SEMA4D: variants seen among roughly 807,000 people sequenced by gnomAD.
SEMA4D encodes semaphorin-4D.
SEMA4D carries 22 observed loss-of-function variants against 74.8 expected under a neutral mutation model. That is an observed-to-expected ratio of 0.29 (90% CI 0.21 to 0.42). SEMA4D has a LOEUF of 0.42. Ranked by LOEUF, SEMA4D falls within the 10% of genes least tolerant of loss-of-function variation. SEMA4D has a pLI of 1.00. For missense variants in SEMA4D, 937 were observed against 1,118.4 expected, an observed-to-expected ratio of 0.84 and a Z score of 2.31; for synonymous variants, 445 against 463.7, an observed-to-expected ratio of 0.96 and a Z score of 0.52.
intron 13 of SEMA4D, chr9:89,385,291 G>T: frequency 1.0e-6 from 1 of 985,420 alleles, no homozygotes; most frequent in Non-Finnish European, 1.2e-6. Flanking sequence ...CACACCAGGG[G>T]CCCAATCTTC....
chr9:89,408,536 C>A (rs1025581987), intron 2 of SEMA4D, among the ~76,000 whole-genome samples: 2 of 152,236 alleles, frequency 1.3e-5, no homozygotes, highest in Admixed American at 1.3e-4. Flanking sequence ...TCTCCCGTTC[C>A]ATGTGACAAA....
Position 89,387,540 on chromosome 9 carries a change from C to T in SEMA4D, c.1176G>A (p.Gln392=). 2 of 1,614,250 alleles carry T rather than the reference C, an allele frequency of 1.2e-6. No homozygotes were observed. Among genetic ancestry groups the T allele is most frequent in the Non-Finnish European group, 1.7e-6 (2 of 1,180,048 alleles). ...SSLNLPDKTL[Q]FVKDHPLMDD... Reference sequence around the variant, plus strand: ...CCATCAAAGGGTGGTCTTTAACGAACTGCAGCGTCTTGTCTGGCAAATTCA... The same window carrying T: ...CCATCAAAGGGTGGTCTTTAACGAATTGCAGCGTCTTGTCTGGCAAATTCA... The change falls in exon 12 of 16, where the codon CAG becomes CAA. Residue 392 remains glutamine (Q), a synonymous_variant. Transcript: ENST00000422704.
In SEMA4D at chr9:89,378,678, G is replaced by C; in HGVS notation, c.*26C>G. The C allele has an allele frequency of 6.3e-7, 1 of 1,576,374 alleles. No individual in the cohort carries two copies. The highest frequency in any genetic ancestry group is 1.1e-5 in the South Asian group (1 of 90,004). The stretch of plus-strand genomic sequence containing the variant: ...CACGCCTGGACACGTCGCAGCCGAG[G>C]CACCAGCGGGGATGCACAGCCGGCC... On this transcript the variant is annotated 3_prime_UTR_variant, in exon 16 of 16. Coordinates refer to ENST00000422704, the MANE Select transcript of SEMA4D (RefSeq NM_001371194.2).
intron 16 of SEMA4D, chr9:89,368,219 C>T (rs75372837): frequency 0.05 from 7,694 of 152,514 alleles, 258 homozygotes; most frequent in South Asian, 0.098. Flanking sequence ...AAACTCACAT[C>T]CAGGTGGCCT....
chr9:89,463,834 T>TGA (rs1467128551), intron 1 of SEMA4D, among the ~76,000 whole-genome samples: 1 of 151,506 alleles, frequency 6.6e-6, no homozygotes, highest in Non-Finnish European at 1.5e-5. Flanking sequence ...CTTGGGAGGC[T>TGA]GAGGCAGGAG....
chr9:89,416,807 C>T (rs1305593257), intron 2 of SEMA4D, among the ~76,000 whole-genome samples: 1 of 152,222 alleles, frequency 6.6e-6, no homozygotes, highest in Non-Finnish European at 1.5e-5. Flanking sequence ...ATGCTACACC[C>T]AAGTCAGTAG....
At chr9:89,466,502 T>G (rs919830994) in intron 1 of SEMA4D, among the ~76,000 whole-genome samples, 2 of 152,124 alleles carry the variant, frequency 1.3e-5, no homozygotes, top group African/African-American at 4.8e-5. Context: ...GCTCTCCATA[T>G]GTACCGAGGG....
intron 1 of SEMA4D, among the ~76,000 whole-genome samples, chr9:89,460,031 T>C (rs982666586): frequency 1.3e-5 from 2 of 152,198 alleles, no homozygotes; most frequent in African/African-American, 4.8e-5. Context: ...AGGCTCACGA[T>C]GCCCCCACCC....
Position 89,378,729 on chromosome 9 carries a change from G to A in SEMA4D, c.2564C>T (p.Ala855Val), listed in dbSNP as rs1349528599. The A allele has an allele frequency of 3.1e-6, 5 of 1,614,122 alleles. No individual in the cohort carries two copies. Among genetic ancestry groups the A allele is most frequent in the Non-Finnish European group, 4.2e-6 (5 of 1,179,962 alleles). Reference protein sequence around the residue: ...PFDVKCELKFADSDADGD With the variant: ...PFDVKCELKFVDSDADGD ...TCAGTCTCCATCTGCGTCTGAGTCA[G>A]CGAACTTCAGCTCACACTTGACGTC... The change falls in exon 16 of 16, where the codon GCT (alanine) becomes GTT (valine). Residue 855 changes from alanine (A) to valine (V), a missense_variant. Ala to Val is a moderately conservative substitution (Grantham distance 64, BLOSUM62 0). Transcript: ENST00000422704.
intron 1 of SEMA4D, among the ~76,000 whole-genome samples, chr9:89,489,026 A>C (rs1825421171): frequency 6.6e-6 from 1 of 152,268 alleles, no homozygotes; most frequent in African/African-American, 2.4e-5. Flanking sequence ...ATAGCTAATA[A>C]GCACATGAAA....
intron 1 of SEMA4D, among the ~76,000 whole-genome samples, chr9:89,470,107 TC>T (rs1196633748): frequency 2.0e-5 from 3 of 152,220 alleles, no homozygotes; most frequent in Non-Finnish European, 4.4e-5. Flanking sequence ...TTCTATGGAT[TC>T]TATCAACATT....
At chr9:89,494,460 C>T (rs926401298) in intron 1 of SEMA4D, among the ~76,000 whole-genome samples, 2 of 152,196 alleles carry the variant, frequency 1.3e-5, no homozygotes, top group Non-Finnish European at 1.5e-5. Flanking sequence ...GGTGTGTGTC[C>T]TTCCAGATGG....
chr9:89,455,491 C>T lies in SEMA4D; in HGVS notation c.-244+397G>A, dbSNP rs761869288. ...CAACAACCCAATATGAACTCCTAGGCGCACCAGTCCTCAGGGGACAGTCCA... is the reference window on the plus strand; with the variant it reads ...CAACAACCCAATATGAACTCCTAGGTGCACCAGTCCTCAGGGGACAGTCCA... On this transcript the variant is annotated intron_variant, in intron 2 of 15. Coordinates refer to ENST00000422704, the MANE Select transcript of SEMA4D (RefSeq NM_001371194.2). Among the ~76,000 whole-genome samples, 8 of 152,298 alleles carry T rather than the reference C, an allele frequency of 5.3e-5. No individual in the cohort carries two copies. The East Asian group carries it at 7.7e-4, about 15-fold the overall frequency.
intron 1 of SEMA4D, among the ~76,000 whole-genome samples, chr9:89,459,274 C>G (rs933754824): frequency 6.6e-6 from 1 of 152,198 alleles, no homozygotes; most frequent in African/African-American, 2.4e-5. Context: ...ACATGCATTT[C>G]TAATGGGCCC....
intron 2 of SEMA4D, among the ~76,000 whole-genome samples, chr9:89,407,071 CTCA>C (rs1048195393): frequency 6.6e-6 from 1 of 152,016 alleles, no homozygotes; most frequent in Admixed American, 6.5e-5. Context: ...ATGCTCACCT[CTCA>C]TCCTGGCCTC....
At chr9:89,379,658 G>A (rs767249795) in intron 15 of SEMA4D, 29 bp from the exon 16 acceptor site, 58 of 1,577,472 alleles carry the variant, frequency 3.7e-5, no homozygotes, top group Middle Eastern at 1.7e-4. Context: ...CGTGCACAGC[G>A]TCAACAATCC....
At chr9:89,376,973 GA>G, downstream of SEMA4D, 1 of 1,550,458 alleles carries the variant, frequency 6.4e-7, no homozygotes, top group Non-Finnish European at 8.7e-7. Context: ...CCAGGGAGAG[GA>G]AAGCCTCCTG....
intron 1 of SEMA4D, chr9:89,472,333 G>C: frequency 2.3e-6 from 1 of 435,144 alleles, no homozygotes; most frequent in South Asian, 1.8e-5. Flanking sequence ...AGATGGCAAA[G>C]TTAGCTGGGA....
intron 11 of SEMA4D, 84 bp from the exon 12 acceptor site, chr9:89,387,692 G>C (rs893926741): frequency 4.1e-6 from 5 of 1,205,506 alleles, no homozygotes; most frequent in Non-Finnish European, 2.4e-6. Context: ...AACGCAGGGG[G>C]GGCTGCAAAA....
Sources: allele counts gnomAD v4.1 joint callset (sites outside exome capture counted in the v4.1 genomes callset), GRCh38; gene constraint gnomAD v4.1.1; transcripts MANE v1.5; gene names NCBI Gene and HGNC (gene_info 2026-07-23, HGNC 2026-07-21).